Variants in SDK1 observed in about 807,000 individuals in gnomAD.
The protein encoded by SDK1 is sidekick cell adhesion molecule 1, also known as protein sidekick-1.
In SDK1, 157 loss-of-function variants were observed where a neutral mutation model predicts 245.5. That is an observed-to-expected ratio of 0.64 (90% CI 0.56 to 0.73). The LOEUF (loss-of-function observed/expected upper bound fraction) is 0.73, where lower values mean the gene tolerates loss of function less well. Among genes scored for constraint, SDK1 ranks in the 30% least tolerant of loss-of-function variants. SDK1 has a pLI of 0.00. For missense variants in SDK1, 3,583 were observed against 3,002.3 expected (o/e 1.19, Z -4.52); for synonymous variants, 1,647 against 1,278.5 (o/e 1.29, Z -6.15).
chr7:3,997,329 A>G (rs999268223), intron 14 of SDK1, among the ~76,000 whole-genome samples: 2 of 152,320 alleles, frequency 1.3e-5, no homozygotes, highest in Non-Finnish European at 2.9e-5. Context: ...GGAGCCCCGC[A>G]GTGGGTGGCT....
intron 44 of SDK1, among the ~76,000 whole-genome samples, chr7:4,255,208 C>T (rs1246031519): frequency 6.6e-6 from 1 of 152,212 alleles, no homozygotes; most frequent in Non-Finnish European, 1.5e-5. Context: ...GAACTACCAG[C>T]TTCCTCTTCA....
At chr7:3,856,830 A>AT (rs1028155058) in intron 5 of SDK1, among the ~76,000 whole-genome samples, 20 of 152,164 alleles carry the variant, frequency 1.3e-4, no homozygotes, top group Admixed American at 1.3e-3. Context: ...TAGGATATAA[A>AT]TTTTTTAATT....
intron 4 of SDK1, among the ~76,000 whole-genome samples, chr7:3,696,526 T>C (rs1004937725): frequency 3.9e-5 from 6 of 151,952 alleles, no homozygotes; most frequent in Admixed American, 3.9e-4. Context: ...CTCTGTAATA[T>C]GTAGTCCAAC....
At chr7:3,320,923 G>A (rs943462670) in intron 1 of SDK1, among the ~76,000 whole-genome samples, 22 of 152,104 alleles carry the variant, frequency 1.4e-4, no homozygotes, top group Non-Finnish European at 2.8e-4. Context: ...CTAGGACTCA[G>A]CAGTCTTAAT....
At chr7:3,893,409 A>G (rs1204924932) in intron 5 of SDK1, among the ~76,000 whole-genome samples, 1 of 152,020 alleles carries the variant, frequency 6.6e-6, no homozygotes, top group Non-Finnish European at 1.5e-5. Context: ...GATAATATCA[A>G]CTTCATAGTT....
chr7:3,664,206 A>G (rs950906333), intron 4 of SDK1, among the ~76,000 whole-genome samples: 2 of 152,090 alleles, frequency 1.3e-5, no homozygotes, highest in African/African-American at 2.4e-5. Flanking sequence ...AGGGAGTGTA[A>G]AGCATGAGGC....
At chr7:3,646,530 T>G (rs562770411) in intron 4 of SDK1, among the ~76,000 whole-genome samples, 4 of 152,300 alleles carry the variant, frequency 2.6e-5, no homozygotes, top group African/African-American at 9.6e-5. Context: ...GATGTTAAAT[T>G]ACTTACCCCA....
At chr7:3,468,896 A>C (rs1317032943) in intron 1 of SDK1, among the ~76,000 whole-genome samples, 1 of 152,172 alleles carries the variant, frequency 6.6e-6, no homozygotes, top group Non-Finnish European at 1.5e-5. Flanking sequence ...GATTTTTAGC[A>C]TACCTTCAGA....
chr7:4,185,372 C>T (rs1159059145), intron 35 of SDK1, among the ~76,000 whole-genome samples: 1 of 152,214 alleles, frequency 6.6e-6, no homozygotes, highest in African/African-American at 2.4e-5. Flanking sequence ...TCAAGACACT[C>T]ACTATTCATG....
intron 1 of SDK1, among the ~76,000 whole-genome samples, chr7:3,532,716 A>G (rs544299028): frequency 2.6e-5 from 4 of 152,226 alleles, no homozygotes; most frequent in South Asian, 2.1e-4. Context: ...TTTCTTACCT[A>G]TGTTGGAAAC....
intron 14 of SDK1, among the ~76,000 whole-genome samples, chr7:4,004,804 T>C (rs2128145897): frequency 6.6e-6 from 1 of 152,278 alleles, no homozygotes; most frequent in East Asian, 1.9e-4. Flanking sequence ...ATTCAGTCTA[T>C]ATTTAATTTT....
intron 1 of SDK1, among the ~76,000 whole-genome samples, chr7:3,328,565 C>A (rs4607498): frequency 1.3e-5 from 2 of 151,798 alleles, no homozygotes; most frequent in South Asian, 4.1e-4. Context: ...AAATGTATTA[C>A]ATAAAAGTCT....
At chr7:3,411,259 G>A (rs534839597) in intron 1 of SDK1, among the ~76,000 whole-genome samples, 2 of 152,190 alleles carry the variant, frequency 1.3e-5, no homozygotes, top group East Asian at 3.9e-4. Context: ...AGTACATAAG[G>A]GTTGATGCTA....
rs189389469 is a variant in SDK1 at position 3,753,480 on chromosome 7, G to A, written c.714-67970G>A. ...GAACCAAAAAGAGAAATGCAAGGCA[G>A]TAGCCCATTGCAAGAAAGAAAACAG... is the stretch of plus-strand genomic sequence containing the variant. On this transcript the variant is annotated intron_variant, in intron 4 of 44. Transcript: ENST00000404826. Among the ~76,000 whole-genome samples the A allele has an allele frequency of 3.5e-3, 528 of 152,290 alleles. 4 individuals carry two copies. The highest frequency in any genetic ancestry group is 0.016 in the South Asian group (78 of 4,828).
At chr7:3,456,765 G>C (rs1253452235) in intron 1 of SDK1, among the ~76,000 whole-genome samples, 1 of 152,236 alleles carries the variant, frequency 6.6e-6, no homozygotes, top group East Asian at 1.9e-4. Context: ...GTTGTGATGT[G>C]TGACTTTGAA....
chr7:3,708,014 GGTTT>G (rs1784941194), intron 4 of SDK1, among the ~76,000 whole-genome samples: 1 of 152,026 alleles, frequency 6.6e-6, no homozygotes, highest in African/African-American at 2.4e-5. Flanking sequence ...TTTAAAAAGA[GGTTT>G]AGATAGCTCA....
chr7:3,926,956 G>A (rs1308899841), intron 5 of SDK1, among the ~76,000 whole-genome samples: 1 of 152,198 alleles, frequency 6.6e-6, no homozygotes, highest in Admixed American at 6.5e-5. Context: ...ATAAAAGTCT[G>A]CTCCAGTAGC....
At chr7:3,995,027 C>G (rs1784597504) in intron 14 of SDK1, among the ~76,000 whole-genome samples, 1 of 152,192 alleles carries the variant, frequency 6.6e-6, no homozygotes, top group African/African-American at 2.4e-5. Flanking sequence ...GTTGCCAGCC[C>G]TACTTCTTCC....
At chr7:3,468,695 C>G (rs545912563) in intron 1 of SDK1, among the ~76,000 whole-genome samples, 33 of 152,270 alleles carry the variant, frequency 2.2e-4, no homozygotes, top group African/African-American at 7.0e-4. Context: ...GGTTTCCGAA[C>G]TCAGTCTGTT....
Sources: gnomAD v4.1 joint callset for allele counts (sites outside exome capture counted in the v4.1 genomes callset) on GRCh38, gnomAD v4.1.1 for gene constraint, MANE v1.5 for transcripts, NCBI Gene and HGNC (gene_info 2026-07-23, HGNC 2026-07-21) for gene names.